ITPR1: variants seen among roughly 807,000 people sequenced by gnomAD.
ITPR1 encodes inositol 1,4,5-trisphosphate receptor type 1, also known as inositol 1,4,5-trisphosphate-gated calcium channel ITPR1.
A neutral mutation model predicts 318.4 loss-of-function variants in ITPR1; 96 were observed. That is an observed-to-expected ratio of 0.30 (90% CI 0.26 to 0.36). The LOEUF is 0.36. Among genes scored for constraint, ITPR1 ranks in the 10% least tolerant of loss-of-function variants. The pLI is 1.00. For synonymous variants in ITPR1, 1,312 were observed against 1,289.9 expected, an observed-to-expected ratio of 1.02 and a Z score of -0.37; for missense variants, 2,440 against 3,460.2, an observed-to-expected ratio of 0.71 and a Z score of 7.40.
At chr3:4,508,932 T>G (rs1009252493) in intron 2 of ITPR1, among the ~76,000 whole-genome samples, 1 of 152,236 alleles carries the variant, frequency 6.6e-6, no homozygotes, top group Non-Finnish European at 1.5e-5. Context: ...GGATCTTTGT[T>G]TCTCCAGATG....
Position 4,825,652 on chromosome 3 carries a change from G to A in ITPR1, c.8028+7410G>A, listed in dbSNP as rs534176290. ...ATGACACAGGAAGCAAATACAGAAA[G>A]CAACGTGTTAACAAGGGCAAAAGAT... On this transcript the variant is annotated intron_variant, in intron 60 of 61. Coordinates refer to ENST00000649015, the MANE Select transcript of ITPR1 (RefSeq NM_001378452.1). The A allele has an allele frequency of 2.5e-3, 1,142 of 448,336 alleles. 5 individuals carry two copies. Among genetic ancestry groups the A allele is most frequent in the Non-Finnish European group, 3.1e-3 (698 of 223,718 alleles). The allele number at this position is 448,336 out of a possible 1,614,324, so 27.8% of individuals were successfully genotyped here.
chr3:4,783,724 T>C (rs2046984711), intron 50 of ITPR1, 92 bp from the exon 51 acceptor site: 3 of 1,021,816 alleles, frequency 2.9e-6, no homozygotes, highest in Non-Finnish European at 3.0e-6. Context: ...CTGGTTATTA[T>C]GCATTTTTAA....
At chr3:4,634,961 T>A (rs1251374080) in intron 5 of ITPR1, among the ~76,000 whole-genome samples, 1 of 152,270 alleles carries the variant, frequency 6.6e-6, no homozygotes, top group Non-Finnish European at 1.5e-5. Flanking sequence ...CAGGCTGGTG[T>A]TGAACCCCTG....
chr3:4,560,598 C>G (rs2086576372), intron 4 of ITPR1, among the ~76,000 whole-genome samples: 1 of 152,128 alleles, frequency 6.6e-6, no homozygotes, highest in East Asian at 1.9e-4. Flanking sequence ...GTTAAGCTTT[C>G]TCTGGAAGAA....
intron 48 of ITPR1, 96 bp downstream of exon 48, chr3:4,777,470 A>C: frequency 2.7e-6 from 2 of 730,562 alleles, no homozygotes; most frequent in South Asian, 3.1e-5. Context: ...TCATGAGAGT[A>C]AATATTAAAG....
At chr3:4,727,205 CTAATGATCAATGACCG>C in intron 42 of ITPR1, 32 bp downstream of exon 42, 1 of 1,535,458 alleles carries the variant, frequency 6.5e-7, no homozygotes, top group South Asian at 1.2e-5. Context: ...GTATCGGGAG[CTAATGATCAATGACCG>C]TAACACCTCC....
intron 51 of ITPR1, among the ~76,000 whole-genome samples, chr3:4,787,312 T>C (rs986106012): frequency 1.9e-5 from 2 of 108,082 alleles, no homozygotes; most frequent in East Asian, 5.8e-4. Flanking sequence ...TACTCCAGCC[T>C]GGACAACAAA....
At chr3:4,595,651 CAG>C (rs2090751244) in intron 4 of ITPR1, among the ~76,000 whole-genome samples, 2 of 152,098 alleles carry the variant, frequency 1.3e-5, no homozygotes, top group Middle Eastern at 3.4e-3. Flanking sequence ...TTTTTAAGAG[CAG>C]AGAGTGAACA....
At chr3:4,654,152 TA>T (rs1341838642) in intron 12 of ITPR1, among the ~76,000 whole-genome samples, 3 of 152,216 alleles carry the variant, frequency 2.0e-5, no homozygotes, top group African/African-American at 7.2e-5. Flanking sequence ...AAGTTCATGG[TA>T]TCACTTGGAA....
chr3:4,716,877 G>A (rs1232590984), intron 39 of ITPR1, among the ~76,000 whole-genome samples: 2 of 152,158 alleles, frequency 1.3e-5, no homozygotes, highest in Non-Finnish European at 2.9e-5. Context: ...GGGATATGCT[G>A]GTCTTATTAG....
At chr3:4,510,680 C>T (rs1311511827) in intron 2 of ITPR1, among the ~76,000 whole-genome samples, 6 of 152,116 alleles carry the variant, frequency 3.9e-5, no homozygotes, top group African/African-American at 1.4e-4. Flanking sequence ...GTGCCTTGTA[C>T]GGTGTCAGAC....
chr3:4,525,454 G>T (rs11711397), intron 4 of ITPR1, among the ~76,000 whole-genome samples: 17,356 of 151,630 alleles, frequency 0.11, 1,096 homozygotes, highest in South Asian at 0.2. Flanking sequence ...TGCTTTTTTT[G>T]TGTGTGTGTG....
intron 44 of ITPR1, among the ~76,000 whole-genome samples, chr3:4,762,086 AT>A (rs773262245): frequency 1.3e-5 from 2 of 152,166 alleles, no homozygotes; most frequent in Non-Finnish European, 2.9e-5. Context: ...CCACACTACC[AT>A]CATGTTTCAC....
chr3:4,736,680 CAT>C (rs60901421), intron 44 of ITPR1, among the ~76,000 whole-genome samples: 391 of 152,276 alleles, frequency 2.6e-3, no homozygotes, highest in African/African-American at 9.1e-3. Context: ...TTTATTTTGT[CAT>C]GTGTGTGTGG....
Position 4,710,260 on chromosome 3 carries a change from T to C in ITPR1, c.4843-65T>C, listed in dbSNP as rs1261380863. On this transcript the variant is annotated intron_variant, in intron 37 of 61. Coordinates refer to ENST00000649015, the MANE Select transcript of ITPR1 (RefSeq NM_001378452.1). The surrounding 1 kb of genome is among the most constrained non-coding windows in gnomAD (Gnocchi z 4.2). The stretch of plus-strand genomic sequence containing the variant: ...ATCAGTGTTTTAGGGCAGAAATCAA[T>C]GTCCTCACCCTCCTGTGGTCAGCGT... The C allele has an allele frequency of 1.1e-5, 15 of 1,406,696 alleles. No individual in the cohort carries two copies. The highest frequency in any genetic ancestry group is 7.8e-5 in the East Asian group (3 of 38,624). The allele number at this position is 1,406,696 out of a possible 1,614,324, so 87.1% of individuals were successfully genotyped here. A position where few individuals can be genotyped will look rare whatever the true frequency, so the allele number is the denominator to read the frequency against.
Position 4,811,449 on chromosome 3 carries a change from C to T in ITPR1, c.7457C>T (p.Thr2486Ile), listed in dbSNP as rs755482416. 6 of 1,613,546 alleles carry T rather than the reference C, an allele frequency of 3.7e-6. No individual in the cohort carries two copies. In the Admixed American group the frequency reaches 6.7e-5, roughly 18 times the overall value. Residue 2486 changes from threonine (T) to isoleucine (I), a missense_variant, in exon 56 of 62, where the codon ACA becomes ATA. Thr to Ile is a moderately conservative substitution (Grantham distance 89, BLOSUM62 -1). Coordinates refer to ENST00000649015, the MANE Select transcript of ITPR1 (RefSeq NM_001378452.1). Reference sequence around the variant, plus strand: ...GAAGTAGATAGGCTGCCCAATGAAACAGCTGTTCCAGGTGGGTTTGGGATC... The same window carrying T: ...GAAGTAGATAGGCTGCCCAATGAAATAGCTGTTCCAGGTGGGTTTGGGATC... ...ILEVDRLPNE[T>I]AVPETGESLA...
At chr3:4,752,390 A>T (rs931512938) in intron 44 of ITPR1, among the ~76,000 whole-genome samples, 2 of 152,310 alleles carry the variant, frequency 1.3e-5, no homozygotes, top group Admixed American at 6.5e-5. Flanking sequence ...GGTAGTTAAC[A>T]GTTAACTCGA....
intron 33 of ITPR1, among the ~76,000 whole-genome samples, chr3:4,695,765 T>G (rs1054239969): frequency 6.6e-6 from 1 of 152,244 alleles, no homozygotes; most frequent in African/African-American, 2.4e-5. Context: ...TCCTTTGCTT[T>G]GGAGCATTCC....
Position 4,527,914 on chromosome 3 carries a change from C to T in ITPR1, c.163+6820C>T, listed in dbSNP as rs535139896. ...TTTATTGAGAGAGAGAAGGGTTTTACATCTCATGCAAGCTCTTTGTAATTG... is the reference window on the plus strand; with the variant it reads ...TTTATTGAGAGAGAGAAGGGTTTTATATCTCATGCAAGCTCTTTGTAATTG... On this transcript the variant is annotated intron_variant, in intron 4 of 61. Transcript: ENST00000649015. Among the ~76,000 whole-genome samples, 8 of 152,298 alleles carry T rather than the reference C, an allele frequency of 5.3e-5. No individual in the cohort carries two copies. The South Asian group carries it at 1.7e-3, about 32-fold the overall frequency.
Sources: allele counts gnomAD v4.1 joint callset (sites outside exome capture counted in the v4.1 genomes callset), GRCh38; gene constraint gnomAD v4.1.1; non-coding constraint Gnocchi (gnomAD v3.1); transcripts MANE v1.5; gene names NCBI Gene and HGNC (gene_info 2026-07-23, HGNC 2026-07-21).